Variants in ADD1 observed in about 807,000 individuals in gnomAD.
The protein encoded by ADD1 is alpha-adducin.
A neutral mutation model predicts 80.5 loss-of-function variants in ADD1; 24 were observed. The observed-to-expected ratio is 0.30, with a 90% confidence interval of 0.22 to 0.42. The LOEUF (loss-of-function observed/expected upper bound fraction) is 0.42. Among genes scored for constraint, ADD1 ranks in the 10% least tolerant of loss-of-function variants. The pLI, the probability that ADD1 is intolerant of heterozygous loss-of-function variation, is 1.00. For missense variants in ADD1, 948 were observed against 1,019.0 expected, an observed-to-expected ratio of 0.93 and a Z score of 0.95; for synonymous variants, 373 against 393.8, an observed-to-expected ratio of 0.95 and a Z score of 0.63.
Position 2,929,733 on chromosome 4 carries a change from G to A in ADD1, c.*1210G>A, listed in dbSNP as rs754155390. 2.0e-5 allele frequency: 3 copies of A among 152,362 alleles called. No homozygotes were observed. The highest frequency in any genetic ancestry group is 1.9e-4 in the East Asian group (1 of 5,200). 9.4% of individuals were successfully genotyped at this position (152,362 alleles called of 1,614,324 possible). A position where few individuals can be genotyped will look rare whatever the true frequency, so the allele number is the denominator to read the frequency against. The stretch of plus-strand genomic sequence containing the variant: ...CTCGGATCCCACTGATTGGCCAGCC[G>A]AGCGAGAACCAGGCTGCTGCATGGC... On this transcript the variant is annotated 3_prime_UTR_variant, in exon 16 of 16. Coordinates refer to ENST00000683351, the MANE Select transcript of ADD1 (RefSeq NM_001354761.2).
intron 2 of ADD1, among the ~76,000 whole-genome samples, chr4:2,881,303 T>C (rs988746765): frequency 3.3e-5 from 5 of 152,090 alleles, no homozygotes; most frequent in Non-Finnish European, 7.4e-5. Context: ...GGTCTCGAAC[T>C]CCTGACCTCA....
rs1491458530 is a variant in ADD1 at position 2,894,524 on chromosome 4, AAG to A, written c.592-56_592-55del. The A allele has an allele frequency of 4.2e-5, 62 of 1,490,670 alleles. No individual in the cohort carries two copies. In the African/African-American group the frequency reaches 7.3e-4, roughly 18 times the overall value. 92.3% of individuals were successfully genotyped at this position (1,490,670 alleles called of 1,614,324 possible). A position where few individuals can be genotyped will look rare whatever the true frequency, so the allele number is the denominator to read the frequency against. On this transcript the variant is annotated intron_variant, in intron 5 of 15. Coordinates refer to ENST00000683351, the MANE Select transcript of ADD1 (RefSeq NM_001354761.2). Reference sequence around the variant, plus strand: ...AGACCCTATCAAAAAAAAAAAAAAAAAGAAAAGAAAAAATGAAGTCCTCTTGG... The same window carrying A: ...AGACCCTATCAAAAAAAAAAAAAAAAAAAAGAAAAAATGAAGTCCTCTTGG...
At chr4:2,886,242 T>C (rs1369332851) in intron 4 of ADD1, among the ~76,000 whole-genome samples, 1 of 152,214 alleles carries the variant, frequency 6.6e-6, no homozygotes, top group Non-Finnish European at 1.5e-5. Context: ...TTTCTGCACA[T>C]GGACTCATAA....
Position 2,884,609 on chromosome 4 carries a change from G to A in ADD1, c.453G>A (p.Ala151=), listed in dbSNP as rs745364833. The change falls in exon 4 of 16, where the codon GCG becomes GCA. Residue 151 remains alanine (A), a synonymous_variant. Transcript: ENST00000683351. ...AGTTATTACGGTGTAAATTGGCAGC[G>A]TTTTATAGACTAGCAGATCTCTTTG... The part of the protein sequence containing the change: ...GEKLLRCKLA[A]FYRLADLFGW... 1.4e-5 allele frequency: 22 copies of A among 1,612,992 alleles called. No individual in the cohort carries two copies. The highest frequency in any genetic ancestry group is 4.5e-5 in the East Asian group (2 of 44,852).
chr4:2,916,183 T>C, intron 14 of ADD1, among the ~76,000 whole-genome samples: 1 of 147,392 alleles, frequency 6.8e-6, no homozygotes, highest in South Asian at 2.1e-4. Context: ...ATTATTATTA[T>C]TATTATTATT....
chr4:2,872,851 C>T (rs184784030), intron 1 of ADD1, among the ~76,000 whole-genome samples: 17 of 152,212 alleles, frequency 1.1e-4, no homozygotes, highest in Admixed American at 6.5e-4. Flanking sequence ...TGAGCCACCA[C>T]GCCTGACCTG....
intron 13 of ADD1, among the ~76,000 whole-genome samples, chr4:2,913,276 C>T (rs542340814): frequency 2.8e-4 from 42 of 152,348 alleles, no homozygotes; most frequent in African/African-American, 9.4e-4. Context: ...GTGCAGCCAG[C>T]CAAACTGCTG....
intron 10 of ADD1, among the ~76,000 whole-genome samples, chr4:2,906,340 A>T: frequency 6.7e-6 from 1 of 148,154 alleles, no homozygotes; most frequent in African/African-American, 2.5e-5. Context: ...CTTTTCTTTC[A>T]TTTGTTTATT....
rs151011491 is a variant in ADD1, at chr4:2,904,624, G to A, written c.1162-140G>A. 2.8e-4 allele frequency: 211 copies of A among 759,014 alleles called. 2 individuals are homozygous for A. In the East Asian group the frequency reaches 4.9e-3, roughly 18 times the overall value. The allele number at this position is 759,014 out of a possible 1,614,324, so 47.0% of individuals were successfully genotyped here. On this transcript the variant is annotated intron_variant, in intron 9 of 15. Coordinates refer to ENST00000683351, the MANE Select transcript of ADD1 (RefSeq NM_001354761.2). ...GTGAACACATTTGCTTCTGTGGGGT[G>A]TAAAATTAGGAGTGGAATTACTGAG...
intron 2 of ADD1, among the ~76,000 whole-genome samples, chr4:2,877,209 C>T (rs964852289): frequency 1.3e-5 from 2 of 152,054 alleles, no homozygotes; most frequent in African/African-American, 4.8e-5. Context: ...GTGTGTGCAT[C>T]ATCCTTTTTT....
Position 2,882,055 on chromosome 4 carries a change from A to G in ADD1, c.353A>G (p.Asn118Ser). Residue 118 changes from asparagine (N) to serine (S), a missense_variant, in exon 3 of 16, where the codon AAC becomes AGC. By Grantham distance (46) the Asn-to-Ser change is conservative (BLOSUM62 1). Transcript: ENST00000683351. The stretch of plus-strand genomic sequence containing the variant: ...CCGCAAGGAGGGATGGCTGCCTTAA[A>G]CATGAGTGAGTAGTTCCTGATTTTT... ...AAPQGGMAALNMSLGMVTPVN... is the reference protein window; with the variant it reads ...AAPQGGMAALSMSLGMVTPVN... 6.2e-7 allele frequency: 1 copy of G among 1,600,628 alleles called. No individual in the cohort carries two copies. The highest frequency in any genetic ancestry group is 1.1e-5 in the South Asian group (1 of 87,852).
rs371614186 is a variant in ADD1 at position 2,898,222 on chromosome 4, G to A, written c.780G>A (p.Pro260=). ...AATGTGGCCTCTTGCCAATCTCCCC[G>A]GAGGCGCTTTCCCTTGGAGAAGTGG... The part of the protein sequence containing the change: ...AMKCGLLPIS[P]EALSLGEVAY... The change falls in exon 7 of 16, where the codon CCG becomes CCA. Residue 260 remains proline (P), a synonymous_variant. Coordinates refer to ENST00000683351, the MANE Select transcript of ADD1 (RefSeq NM_001354761.2). The A allele has an allele frequency of 2.0e-5, 33 of 1,613,990 alleles. No individual in the cohort carries two copies. The highest frequency in any genetic ancestry group is 1.6e-4 in the African/African-American group (12 of 75,002).
intron 1 of ADD1, chr4:2,854,816 C>T (rs991167513): frequency 6.6e-6 from 1 of 152,124 alleles, no homozygotes; most frequent in African/African-American, 2.4e-5. Flanking sequence ...TTACCACATA[C>T]GTGGTGCTTT....
chr4:2,870,808 T>C (rs1447884922), intron 1 of ADD1, among the ~76,000 whole-genome samples: 1 of 152,206 alleles, frequency 6.6e-6, no homozygotes, highest in Non-Finnish European at 1.5e-5. Flanking sequence ...GATTGTCATT[T>C]GTGTTTTTTT....
intron 15 of ADD1, among the ~76,000 whole-genome samples, chr4:2,927,561 G>T (rs762535896): frequency 6.6e-6 from 1 of 152,248 alleles, no homozygotes; most frequent in East Asian, 1.9e-4. Flanking sequence ...CCTCAGGGCC[G>T]CTGTGCTCCT....
rs899333330 is a variant in ADD1 at position 2,906,470 on chromosome 4, A to G, written c.1507-1273A>G. ...CTGAATTGCCATGAGGAAGTTTTCC[A>G]AAGCGTTTAGGCAGCAGCGCGAGCT... On this transcript the variant is annotated intron_variant, in intron 10 of 15. Coordinates refer to ENST00000683351, the MANE Select transcript of ADD1 (RefSeq NM_001354761.2). Among the ~76,000 whole-genome samples, 6 of 152,048 alleles carry G rather than the reference A, an allele frequency of 3.9e-5. No individual in the cohort carries two copies. In the East Asian group the frequency reaches 1.2e-3, roughly 29 times the overall value.
At chr4:2,879,630 C>CTT (rs914908325) in intron 2 of ADD1, among the ~76,000 whole-genome samples, 1 of 149,488 alleles carries the variant, frequency 6.7e-6, no homozygotes, top group South Asian at 2.1e-4. Flanking sequence ...TACTCTCTCT[C>CTT]TTTTTTTTTT....
At chr4:2,852,207 C>CCTTTCCTTTCCTTTCCTTT (rs1727300083) in intron 1 of ADD1, among the ~76,000 whole-genome samples, 1 of 66,102 alleles carries the variant, frequency 1.5e-5, no homozygotes, top group Non-Finnish European at 3.0e-5. Context: ...TCCTTTCTTT[C>CCTTTCCTTTCCTTTCCTTT]CTTTCCTTTC....
chr4:2,902,457 G>C (rs1353027607), intron 9 of ADD1: 1 of 152,162 alleles, frequency 6.6e-6, no homozygotes, highest in Non-Finnish European at 1.5e-5. Flanking sequence ...AAAAAATGTA[G>C]GCCGGTCACG....
Sources: allele counts gnomAD v4.1 joint callset (sites outside exome capture counted in the v4.1 genomes callset), GRCh38; gene constraint gnomAD v4.1.1; transcripts MANE v1.5; gene names NCBI Gene and HGNC (gene_info 2026-07-23, HGNC 2026-07-21).